The following RABGAP1L variants were observed in gnomAD, a reference collection of about 807,000 sequenced individuals.
RABGAP1L encodes RAB GTPase activating protein 1 like.
A neutral mutation model predicts 137.7 loss-of-function variants in RABGAP1L; 63 were observed. The observed-to-expected ratio is 0.46, with a 90% CI of 0.37 to 0.56. RABGAP1L has a LOEUF of 0.56. RABGAP1L is among the 20% of genes least tolerant of loss of function. The probability of loss-of-function intolerance (pLI) is 0.00; values close to 1 mark genes in which losing one functional copy is unlikely to be tolerated. For missense variants in RABGAP1L, 1,095 were observed against 1,244.0 expected (o/e 0.88, Z 1.80); for synonymous variants, 431 against 433.7 (o/e 0.99, Z 0.08).
intron 11 of RABGAP1L, among the ~76,000 whole-genome samples, chr1:174,317,993 C>A (rs1165018805): frequency 6.6e-6 from 1 of 151,854 alleles, no homozygotes; most frequent in Non-Finnish European, 1.5e-5. Context: ...CTTACCCCAC[C>A]ATGTCACTGA....
At chr1:174,361,948 C>G (rs377237434) in intron 11 of RABGAP1L, among the ~76,000 whole-genome samples, 2 of 152,090 alleles carry the variant, frequency 1.3e-5, no homozygotes, top group Non-Finnish European at 2.9e-5. Flanking sequence ...CTCAGCCATC[C>G]GATAGACCCT....
chr1:174,548,099 C>T, intron 13 of RABGAP1L: 3 of 1,540,846 alleles, frequency 1.9e-6, no homozygotes, highest in Non-Finnish European at 1.8e-6. Flanking sequence ...GCTTTCTTTG[C>T]ATGGGAGGTT....
intron 18 of RABGAP1L, among the ~76,000 whole-genome samples, chr1:174,771,662 A>G (rs2148730548): frequency 6.6e-6 from 1 of 152,306 alleles, no homozygotes; most frequent in Non-Finnish European, 1.5e-5. Context: ...ATTTTCTAGC[A>G]CTCACACCTC....
At chr1:174,597,399 A>AG (rs1156787371) in intron 13 of RABGAP1L, among the ~76,000 whole-genome samples, 7 of 152,144 alleles carry the variant, frequency 4.6e-5, no homozygotes, top group Non-Finnish European at 1.0e-4. Context: ...TTACTTGTTA[A>AG]GGGTCTATTC....
chr1:174,439,810 A>G (rs1020101051), intron 13 of RABGAP1L, among the ~76,000 whole-genome samples: 5 of 152,234 alleles, frequency 3.3e-5, no homozygotes, highest in Non-Finnish European at 7.3e-5. Flanking sequence ...TTCGACACCT[A>G]TTCTGTGTCT....
chr1:174,286,678 G>C lies in RABGAP1L; in HGVS notation c.1323+7899G>C, dbSNP rs143968069. On this transcript the variant is annotated intron_variant, in intron 10 of 25. Coordinates refer to ENST00000681986, the MANE Select transcript of RABGAP1L (RefSeq NM_001366446.1). ...AGGTCTTTTTTTTCCCCATAATTTAGACATTTATCAATATAAACTTTCCCA... is the reference window on the plus strand; with the variant it reads ...AGGTCTTTTTTTTCCCCATAATTTACACATTTATCAATATAAACTTTCCCA... 3.0e-4 allele frequency among the ~76,000 whole-genome samples: 45 copies of C among 151,730 alleles called. 1 individual carries two copies. In the East Asian group the frequency reaches 7.7e-3, roughly 26 times the overall value.
chr1:174,653,110 G>A (rs543808527), intron 14 of RABGAP1L, among the ~76,000 whole-genome samples: 3 of 152,114 alleles, frequency 2.0e-5, no homozygotes, highest in Admixed American at 6.5e-5. Context: ...GGGGAAAACC[G>A]CCTACTCCAG....
chr1:174,719,720 T>C (rs1411752829), intron 17 of RABGAP1L, among the ~76,000 whole-genome samples: 3 of 152,206 alleles, frequency 2.0e-5, no homozygotes, highest in African/African-American at 7.2e-5. Flanking sequence ...ATTCAATTTT[T>C]ATAAAAAGCT....
At chr1:174,299,403 C>T (rs1677446677) in intron 10 of RABGAP1L, among the ~76,000 whole-genome samples, 1 of 151,276 alleles carries the variant, frequency 6.6e-6, no homozygotes, top group South Asian at 2.1e-4. Context: ...CAGTTTCTCA[C>T]TGGGCTTTTA....
At chr1:174,873,556 C>T (rs1036877972) in intron 19 of RABGAP1L, among the ~76,000 whole-genome samples, 1 of 149,996 alleles carries the variant, frequency 6.7e-6, no homozygotes, top group African/African-American at 2.5e-5. Context: ...CTCTGTCGCC[C>T]AGGCTGGAGT....
At chr1:174,928,854 G>A (rs1663249053) in intron 19 of RABGAP1L, among the ~76,000 whole-genome samples, 1 of 152,130 alleles carries the variant, frequency 6.6e-6, no homozygotes, top group Non-Finnish European at 1.5e-5. Context: ...CTACCCTGGA[G>A]TATCTCTCTG....
chr1:174,568,032 G>A (rs761126900), intron 13 of RABGAP1L, among the ~76,000 whole-genome samples: 7 of 152,234 alleles, frequency 4.6e-5, no homozygotes, highest in South Asian at 2.1e-4. Context: ...AAGAAAGTAC[G>A]TTTATTTTGT....
At chr1:174,297,769 C>G (rs1342762656) in intron 10 of RABGAP1L, among the ~76,000 whole-genome samples, 1 of 151,920 alleles carries the variant, frequency 6.6e-6, no homozygotes, top group Non-Finnish European at 1.5e-5. Flanking sequence ...ATAGACAAAC[C>G]GGGTTATTAG....
chr1:174,198,559 T>G (rs1324594620), intron 1 of RABGAP1L, among the ~76,000 whole-genome samples: 1 of 152,224 alleles, frequency 6.6e-6, no homozygotes, highest in African/African-American at 2.4e-5. Context: ...TGAAGTTACA[T>G]GAAAATAAGT....
intron 22 of RABGAP1L, among the ~76,000 whole-genome samples, chr1:174,976,653 T>G (rs1172840732): frequency 6.6e-6 from 1 of 152,236 alleles, no homozygotes. Flanking sequence ...ATTCACACCT[T>G]AAGCAGCATC....
chr1:174,947,230 C>CGG (rs1558268308), intron 19 of RABGAP1L, among the ~76,000 whole-genome samples: 2 of 145,648 alleles, frequency 1.4e-5, no homozygotes, highest in African/African-American at 5.1e-5. Flanking sequence ...TTTTTTCAGA[C>CGG]AGTTTCACTG....
chr1:174,350,057 TC>T (rs1682966940), intron 11 of RABGAP1L, among the ~76,000 whole-genome samples: 2 of 123,208 alleles, frequency 1.6e-5, no homozygotes, highest in South Asian at 6.0e-4. Context: ...GCCCCTCACC[TC>T]CCGGACGGGG....
chr1:174,655,657 A>G (rs1453489165), intron 14 of RABGAP1L, among the ~76,000 whole-genome samples: 1 of 152,140 alleles, frequency 6.6e-6, no homozygotes, highest in Non-Finnish European at 1.5e-5. Context: ...TAACTATTTA[A>G]TTGCCCCATT....
At chr1:174,716,989 C>T (rs1681072378) in intron 17 of RABGAP1L, among the ~76,000 whole-genome samples, 1 of 152,152 alleles carries the variant, frequency 6.6e-6, no homozygotes, top group South Asian at 2.1e-4. Context: ...TGGTTATGCT[C>T]ATTGGCAGGC....
Sources: allele counts gnomAD v4.1 joint callset (sites outside exome capture counted in the v4.1 genomes callset), GRCh38; gene constraint gnomAD v4.1.1; transcripts MANE v1.5; gene names NCBI Gene and HGNC (gene_info 2026-07-23, HGNC 2026-07-21).